ASAP2: variants seen among roughly 807,000 people sequenced by gnomAD.
ASAP2 encodes arf-GAP with SH3 domain, ANK repeat and PH domain-containing protein 2.
ASAP2 carries 45 observed loss-of-function variants against 131.4 expected under a neutral mutation model. That is an observed-to-expected ratio of 0.34 (90% CI 0.27 to 0.44). The LOEUF (loss-of-function observed/expected upper bound fraction) is 0.44. Ranked by LOEUF, ASAP2 falls within the 20% of genes least tolerant of loss-of-function variation. ASAP2 has a pLI of 1.00. For synonymous variants in ASAP2, 510 were observed against 503.0 expected (o/e 1.01, Z -0.19); for missense variants, 1,011 against 1,297.0 (o/e 0.78, Z 3.39).
intron 7 of ASAP2, among the ~76,000 whole-genome samples, chr2:9,332,971 A>G (rs1396155970): frequency 6.6e-6 from 1 of 152,248 alleles, no homozygotes. Context: ...TGTGACTCCT[A>G]ATAAACACTG....
intron 1 of ASAP2, among the ~76,000 whole-genome samples, chr2:9,208,058 C>A (rs1484233953): frequency 6.6e-6 from 1 of 152,202 alleles, no homozygotes; most frequent in East Asian, 1.9e-4. Context: ...GGGGCAGAGT[C>A]TGTGAGTCCA....
At chr2:9,325,165 C>T (rs1357714320) in intron 6 of ASAP2, among the ~76,000 whole-genome samples, 3 of 152,168 alleles carry the variant, frequency 2.0e-5, no homozygotes, top group African/African-American at 7.2e-5. Context: ...TTTTTATACA[C>T]ATTTTTTTGT....
intron 16 of ASAP2, among the ~76,000 whole-genome samples, chr2:9,372,284 G>A (rs1242859393): frequency 6.6e-6 from 1 of 152,052 alleles, no homozygotes; most frequent in African/African-American, 2.4e-5. Context: ...ATCTCCCTGG[G>A]TGTCACACTG....
chr2:9,306,282 C>T (rs1165923578), intron 3 of ASAP2, among the ~76,000 whole-genome samples: 22 of 130,568 alleles, frequency 1.7e-4, no homozygotes, highest in African/African-American at 3.0e-4. Flanking sequence ...ATAGAGATAC[C>T]GGGTGGGAGG....
chr2:9,354,701 G>A (rs189651949), intron 12 of ASAP2, among the ~76,000 whole-genome samples: 118 of 151,932 alleles, frequency 7.8e-4, no homozygotes, highest in Non-Finnish European at 4.7e-4. Flanking sequence ...GAAAGTGGTC[G>A]GGCCAGAAGT....
chr2:9,312,399 G>A (rs1669359933), intron 3 of ASAP2, among the ~76,000 whole-genome samples: 1 of 151,970 alleles, frequency 6.6e-6, no homozygotes, highest in Non-Finnish European at 1.5e-5. Context: ...CGACTGCCAC[G>A]GCTGGCAGGG....
chr2:9,247,754 A>T (rs953609042), intron 1 of ASAP2, among the ~76,000 whole-genome samples: 3 of 152,148 alleles, frequency 2.0e-5, no homozygotes, highest in African/African-American at 7.2e-5. Context: ...TATTTCTGTT[A>T]TTTTTTGCAC....
In ASAP2 at chr2:9,207,008, C is replaced by CGGCAGCGGCGGT. The variant is rs1661153156; in HGVS notation, c.-95_-84dup. 2 of 1,068,670 alleles carry CGGCAGCGGCGGT rather than the reference C, an allele frequency of 1.9e-6. No individual in the cohort carries two copies. Among genetic ancestry groups the CGGCAGCGGCGGT allele is most frequent in the Non-Finnish European group, 2.3e-6 (2 of 879,068 alleles). 66.2% of individuals were successfully genotyped at this position (1,068,670 alleles called of 1,614,324 possible). A position where few individuals can be genotyped will look rare whatever the true frequency, so the allele number is the denominator to read the frequency against. ...CTTTGTCCGCGGGCCGGAGCGGCGG[C>CGGCAGCGGCGGT]GGCAGCGGCGGTGTCCGAGCGGCGG... On this transcript the variant is annotated 5_prime_UTR_variant, in exon 1 of 28. Coordinates refer to ENST00000281419, the MANE Select transcript of ASAP2 (RefSeq NM_003887.3). The surrounding 1 kb of genome is among the most constrained non-coding windows in gnomAD (Gnocchi z 4.1).
rs146788349 is a variant in ASAP2 at position 9,397,469 on chromosome 2, G to A, written c.2685-2554G>A. Among the ~76,000 whole-genome samples, 15 of 152,178 alleles carry A rather than the reference G, an allele frequency of 9.9e-5. No homozygotes were observed. The East Asian group carries it at 2.3e-3, about 24-fold the overall frequency. ...AGACGGGGATGGACGGAGCCATGTC[G>A]TCAGCGCCCAGTGGAGTTCTGACTG... On this transcript the variant is annotated intron_variant, in intron 24 of 27. Transcript: ENST00000281419.
intron 6 of ASAP2, 85 bp downstream of exon 6, chr2:9,323,335 G>A (rs1027284926): frequency 1.4e-5 from 22 of 1,547,012 alleles, no homozygotes; most frequent in East Asian, 2.3e-5. Flanking sequence ...CGGTACCAGC[G>A]GCTTCAGAGA....
intron 1 of ASAP2, among the ~76,000 whole-genome samples, chr2:9,258,166 G>A (rs966835812): frequency 4.6e-5 from 7 of 151,596 alleles, no homozygotes; most frequent in African/African-American, 1.7e-4. Context: ...GAAATGCAGT[G>A]GAATTCTTCA....
chr2:9,276,523 G>C (rs1044068122), intron 1 of ASAP2, among the ~76,000 whole-genome samples: 1 of 152,034 alleles, frequency 6.6e-6, no homozygotes, highest in African/African-American at 2.4e-5. Context: ...AAGCCTTCCT[G>C]TGTCATCTTT....
intron 20 of ASAP2, among the ~76,000 whole-genome samples, chr2:9,383,979 C>G (rs747950855): frequency 4.6e-5 from 7 of 151,930 alleles, no homozygotes; most frequent in South Asian, 2.1e-4. Context: ...CACTTGGACA[C>G]AGGGCGGGGA....
chr2:9,259,205 A>T (rs891256472), intron 1 of ASAP2, among the ~76,000 whole-genome samples: 3 of 152,250 alleles, frequency 2.0e-5, no homozygotes, highest in African/African-American at 7.2e-5. Flanking sequence ...GATGGAAAAC[A>T]AACAAAGAAA....
intron 1 of ASAP2, among the ~76,000 whole-genome samples, chr2:9,262,528 C>T (rs77882822): frequency 0.02 from 3,038 of 152,244 alleles, 92 homozygotes; most frequent in African/African-American, 0.07. Context: ...TTTGAGGTCA[C>T]GCGGCTAGTA....
chr2:9,323,250 G>T lies in ASAP2; in HGVS notation c.600G>T (p.Glu200Asp), dbSNP rs1670262312. The T allele has an allele frequency of 1.2e-6, 2 of 1,614,190 alleles. No homozygotes were observed. The highest frequency in any genetic ancestry group is 1.7e-6 in the Non-Finnish European group (2 of 1,180,012). Residue 200 changes from glutamate to aspartate, a missense_variant and splice_region_variant, in exon 6 of 28, where the codon GAG (glutamate) becomes GAT (aspartate). Glu to Asp is a conservative substitution (Grantham distance 45). This residue lies in a region of ASAP2 where 359 missense variants were observed against 598.1 expected (regional missense o/e 0.60). Coordinates refer to ENST00000281419, the MANE Select transcript of ASAP2 (RefSeq NM_003887.3). ...GCTTCTTCCAGCTACAGATGTGCGA[G>T]GTAAGGCGGTGGTGAAGGCAGGTCC... The part of the protein sequence containing the change: ...ERRFFQLQMC[E>D]YLLKVNEIKI...
At chr2:9,248,362 A>G (rs1664479220) in intron 1 of ASAP2, among the ~76,000 whole-genome samples, 1 of 152,140 alleles carries the variant, frequency 6.6e-6, no homozygotes, top group East Asian at 1.9e-4. Context: ...ACCCTTTGGT[A>G]TCTTGGTGTC....
intron 16 of ASAP2, 129 bp from the exon 17 acceptor site, chr2:9,374,626 G>T: frequency 1.2e-6 from 1 of 868,660 alleles, no homozygotes; most frequent in Non-Finnish European, 1.7e-6. Flanking sequence ...CTCCCGCTTT[G>T]TGTTTCGGGG....
intron 1 of ASAP2, among the ~76,000 whole-genome samples, chr2:9,228,731 T>G (rs989759714): frequency 1.3e-5 from 2 of 152,230 alleles, no homozygotes; most frequent in African/African-American, 4.8e-5. Flanking sequence ...GTATGTGAAC[T>G]GGCATACCCA....
Sources: gnomAD v4.1 joint callset for allele counts (sites outside exome capture counted in the v4.1 genomes callset) on GRCh38, gnomAD v4.1.1 for gene constraint, gnomAD v4.1.1 regional missense constraint, Gnocchi (gnomAD v3.1) non-coding constraint, MANE v1.5 for transcripts, NCBI Gene and HGNC (gene_info 2026-07-23, HGNC 2026-07-21) for gene names.